Variants in CPNE4 observed in about 807,000 individuals in gnomAD.
CPNE4 encodes copine-4.
In CPNE4, 25 loss-of-function variants were observed where a neutral mutation model predicts 67.9. The ratio of observed to expected loss-of-function variants is 0.37; its 90% confidence interval spans 0.27 to 0.51. The LOEUF is 0.51. Among genes scored for constraint, CPNE4 ranks in the 20% least tolerant of loss-of-function variants. CPNE4 has a pLI of 0.93. For synonymous variants in CPNE4, 242 were observed against 244.9 expected, an observed-to-expected ratio of 0.99 and a Z score of 0.11; for missense variants, 464 against 690.8, an observed-to-expected ratio of 0.67 and a Z score of 3.68.
chr3:131,610,111 T>TC (rs1226857523), intron 7 of CPNE4, among the ~76,000 whole-genome samples: 1 of 152,088 alleles, frequency 6.6e-6, no homozygotes, highest in Non-Finnish European at 1.5e-5. Flanking sequence ...CTTTCCTTTT[T>TC]CCCTCCTTTC....
chr3:131,611,397 T>C, intron 7 of CPNE4, among the ~76,000 whole-genome samples: 1 of 152,204 alleles, frequency 6.6e-6, no homozygotes, highest in African/African-American at 2.4e-5. Flanking sequence ...GGGTAATCAA[T>C]CATATTGTAT....
chr3:131,555,007 T>C (rs1359540677), intron 12 of CPNE4, among the ~76,000 whole-genome samples: 6 of 152,072 alleles, frequency 3.9e-5, no homozygotes, highest in African/African-American at 1.4e-4. Flanking sequence ...CAGAAGAACA[T>C]TTCAGCTTCC....
At chr3:131,736,645 C>T (rs2082241187) in intron 2 of CPNE4, among the ~76,000 whole-genome samples, 2 of 148,558 alleles carry the variant, frequency 1.3e-5, no homozygotes, top group Admixed American at 6.7e-5. Context: ...GTTGAAGATG[C>T]TTACACAAGG....
At chr3:131,816,771 G>C (rs1560384329) in intron 2 of CPNE4, among the ~76,000 whole-genome samples, 2 of 152,056 alleles carry the variant, frequency 1.3e-5, no homozygotes, top group Admixed American at 6.6e-5. Context: ...CTATTTCCCA[G>C]GAAGAAATAT....
chr3:131,858,678 T>C lies in CPNE4; in HGVS notation c.180+46586A>G, dbSNP rs549193842. ...CACTCTCAAATTCTTCCCAAGGTTA[T>C]GGCAACTTAAATACTATGAGTGCCT... On this transcript the variant is annotated intron_variant, in intron 2 of 15. Transcript: ENST00000429747. 2.0e-5 allele frequency among the ~76,000 whole-genome samples: 3 copies of C among 152,304 alleles called. No homozygotes were observed. The East Asian group carries it at 5.8e-4, about 29-fold the overall frequency.
At chr3:131,884,984 G>C (rs1032702827) in intron 2 of CPNE4, among the ~76,000 whole-genome samples, 4 of 152,148 alleles carry the variant, frequency 2.6e-5, no homozygotes, top group Non-Finnish European at 4.4e-5. Context: ...ACCAAGAGTG[G>C]AGTGTTGCTG....
intron 1 of CPNE4, among the ~76,000 whole-genome samples, chr3:132,011,409 C>A (rs2073758565): frequency 6.6e-6 from 1 of 152,130 alleles, no homozygotes; most frequent in Non-Finnish European, 1.5e-5. Context: ...CTAAGTTTTC[C>A]TTGTGGCCCT....
chr3:131,655,719 C>T (rs1054779608), intron 7 of CPNE4, among the ~76,000 whole-genome samples: 1 of 152,116 alleles, frequency 6.6e-6, no homozygotes, highest in African/African-American at 2.4e-5. Context: ...AAAGGATGCT[C>T]TTTCTTTTCT....
intron 2 of CPNE4, among the ~76,000 whole-genome samples, chr3:131,902,781 G>T (rs1200599868): frequency 1.3e-5 from 2 of 151,926 alleles, no homozygotes; most frequent in South Asian, 2.1e-4. Flanking sequence ...TTTCCAAGGA[G>T]TTACTTTTTT....
chr3:131,995,294 T>C (rs2073263415), intron 1 of CPNE4, among the ~76,000 whole-genome samples: 1 of 152,168 alleles, frequency 6.6e-6, no homozygotes, highest in Non-Finnish European at 1.5e-5. Context: ...TTCTATAATA[T>C]TATCATTATC....
chr3:131,623,209 G>A (rs910200504), intron 7 of CPNE4, among the ~76,000 whole-genome samples: 3 of 150,568 alleles, frequency 2.0e-5, no homozygotes, highest in Non-Finnish European at 4.4e-5. Context: ...AAACTCTACT[G>A]TAGTGACATA....
chr3:131,650,713 C>G (rs577684292), intron 7 of CPNE4, among the ~76,000 whole-genome samples: 2 of 123,178 alleles, frequency 1.6e-5, no homozygotes, highest in Non-Finnish European at 3.1e-5. Context: ...CCACTGCACT[C>G]CAGCCTGGGG....
intron 2 of CPNE4, among the ~76,000 whole-genome samples, chr3:131,870,885 G>C (rs1383046068): frequency 6.6e-6 from 1 of 152,164 alleles, no homozygotes; most frequent in Non-Finnish European, 1.5e-5. Flanking sequence ...GCCTGAAGAA[G>C]AGAAGGCTGG....
chr3:131,905,276 C>A lies in CPNE4; in HGVS notation c.168G>T (p.Gly56=), dbSNP rs3749263. The change falls in exon 2 of 16, where the codon GGG becomes GGT. Residue 56 remains glycine, a synonymous_variant. Transcript: ENST00000429747. The stretch of plus-strand genomic sequence containing the variant: ...TGGACATGCCTACCTCAAACCACTG[C>A]CCATGAGACTGCATCTTGAGGATGA... ...PCVILKMQSH[G]QWFEVDRTEV... The A allele has an allele frequency of 3.4e-5, 55 of 1,612,696 alleles. No individual in the cohort carries two copies. Among genetic ancestry groups the A allele is most frequent in the Middle Eastern group, 3.3e-4 (2 of 5,992 alleles).
chr3:131,622,018 C>CAAAAAAAAAAAAAAA (rs34415771), intron 7 of CPNE4, among the ~76,000 whole-genome samples: 3 of 58,028 alleles, frequency 5.2e-5, no homozygotes, highest in Non-Finnish European at 7.8e-5. Context: ...GACCCTGTCT[C>CAAAAAAAAAAAAAAA]AAAAAAAAAA....
intron 1 of CPNE4, among the ~76,000 whole-genome samples, chr3:132,006,868 A>G (rs1370939680): frequency 3.3e-5 from 5 of 152,156 alleles, no homozygotes; most frequent in Non-Finnish European, 7.4e-5. Flanking sequence ...CTGATACTGT[A>G]TTATCTCATT....
chr3:131,927,155 AC>A (rs1461660464), intron 1 of CPNE4, among the ~76,000 whole-genome samples: 1 of 152,170 alleles, frequency 6.6e-6, no homozygotes, highest in Non-Finnish European at 1.5e-5. Flanking sequence ...TTCCTATTTT[AC>A]GGATGGGTAA....
At chr3:131,919,283 T>C (rs2070676084) in intron 1 of CPNE4, among the ~76,000 whole-genome samples, 1 of 152,180 alleles carries the variant, frequency 6.6e-6, no homozygotes, top group East Asian at 1.9e-4. Context: ...ATGAGTAAAT[T>C]AGAAATAACA....
intron 2 of CPNE4, among the ~76,000 whole-genome samples, chr3:131,876,238 CA>C (rs2087439859): frequency 1.2e-5 from 1 of 86,026 alleles, no homozygotes; most frequent in Admixed American, 1.4e-4. Context: ...GACTCGGTCT[CA>C]AAATAAATAA....
Sources: gnomAD v4.1 joint callset for allele counts (sites outside exome capture counted in the v4.1 genomes callset) on GRCh38, gnomAD v4.1.1 for gene constraint, MANE v1.5 for transcripts, NCBI Gene and HGNC (gene_info 2026-07-23, HGNC 2026-07-21) for gene names.